MAML3: variants seen among roughly 807,000 people sequenced by gnomAD.
MAML3 encodes mastermind like transcriptional coactivator 3.
Under a neutral mutation model 101.9 loss-of-function variants are expected in MAML3, and 27 were observed. The observed-to-expected ratio is 0.27, with a 90% CI of 0.20 to 0.37. The LOEUF is 0.37. Among genes scored for constraint, MAML3 ranks in the 10% least tolerant of loss-of-function variants. MAML3 has a pLI of 1.00. For missense variants in MAML3, 1,316 were observed against 1,444.9 expected (o/e 0.91, Z 1.45); for synonymous variants, 501 against 555.9 (o/e 0.90, Z 1.39).
At chr4:139,806,122 A>T (rs1730695134) in intron 2 of MAML3, among the ~76,000 whole-genome samples, 1 of 152,178 alleles carries the variant, frequency 6.6e-6, no homozygotes, top group Non-Finnish European at 1.5e-5. Flanking sequence ...AGTATAAAAT[A>T]ATTAGAAGTT....
chr4:140,144,602 G>A (rs1729027262), intron 1 of MAML3, among the ~76,000 whole-genome samples: 1 of 151,402 alleles, frequency 6.6e-6, no homozygotes, highest in South Asian at 2.1e-4. Context: ...CATTCACATG[G>A]CAGTAGTAAT....
intron 2 of MAML3, among the ~76,000 whole-genome samples, chr4:139,743,169 C>T (rs1729218480): frequency 6.6e-6 from 1 of 152,220 alleles, no homozygotes. Flanking sequence ...CACGTCTCCA[C>T]CTAAAGTTAC....
chr4:139,896,325 G>A (rs190503728), intron 1 of MAML3, among the ~76,000 whole-genome samples: 50 of 152,278 alleles, frequency 3.3e-4, no homozygotes, highest in South Asian at 1.5e-3. Flanking sequence ...CGCAAAGCCC[G>A]AAGCCTCTTA....
chr4:139,743,403 C>G (rs1553882), intron 2 of MAML3, among the ~76,000 whole-genome samples: 1 of 152,236 alleles, frequency 6.6e-6, no homozygotes, highest in East Asian at 1.9e-4. Flanking sequence ...TGATAGACAC[C>G]GTTTCTTGTA....
chr4:139,920,439 A>T (rs1323143420), intron 1 of MAML3, among the ~76,000 whole-genome samples: 1 of 152,240 alleles, frequency 6.6e-6, no homozygotes, highest in African/African-American at 2.4e-5. Flanking sequence ...CTAGAAGTGG[A>T]AGCCAAATGC....
intron 1 of MAML3, among the ~76,000 whole-genome samples, chr4:139,894,951 T>C (rs1188970210): frequency 1.3e-5 from 2 of 152,334 alleles, no homozygotes; most frequent in Non-Finnish European, 2.9e-5. Context: ...CTTCAAAACA[T>C]AAGCATTTGT....
At chr4:139,781,378 A>T (rs2111079847) in intron 2 of MAML3, among the ~76,000 whole-genome samples, 1 of 152,216 alleles carries the variant, frequency 6.6e-6, no homozygotes, top group East Asian at 1.9e-4. Flanking sequence ...CTATAGTTTA[A>T]AAGGTCGAGG....
chr4:139,924,286 G>A (rs540294674), intron 1 of MAML3, among the ~76,000 whole-genome samples: 5 of 152,268 alleles, frequency 3.3e-5, no homozygotes, highest in South Asian at 4.1e-4. Context: ...TGTTAACAGC[G>A]ATTCTGAGAT....
At chr4:139,798,190 T>C (rs368492474) in intron 2 of MAML3, among the ~76,000 whole-genome samples, 20 of 152,294 alleles carry the variant, frequency 1.3e-4, no homozygotes, top group African/African-American at 4.8e-4. Flanking sequence ...TTTCTTTTGT[T>C]GAAATGTTTT....
chr4:139,747,231 C>T (rs1318705372), intron 2 of MAML3, among the ~76,000 whole-genome samples: 1 of 152,188 alleles, frequency 6.6e-6, no homozygotes, highest in Non-Finnish European at 1.5e-5. Context: ...TTCTGCATCA[C>T]TGAGGAAGGA....
intron 1 of MAML3, among the ~76,000 whole-genome samples, chr4:139,911,004 T>C (rs970375066): frequency 6.6e-6 from 1 of 152,188 alleles, no homozygotes; most frequent in Non-Finnish European, 1.5e-5. Context: ...GAAATCTTCA[T>C]CTTGCAATAC....
intron 1 of MAML3, among the ~76,000 whole-genome samples, chr4:140,069,354 GAGAAGGAGA>G (rs746999594): frequency 0.18 from 13,143 of 73,662 alleles, 1,784 homozygotes; most frequent in Non-Finnish European, 0.27. Context: ...GAAGGAGAAG[GAGAAGGAGA>G]AGAAGAAGAA....
intron 2 of MAML3, among the ~76,000 whole-genome samples, chr4:139,825,966 G>T (rs1055882598): frequency 6.6e-6 from 1 of 152,104 alleles, no homozygotes. Flanking sequence ...GTAACCCGGG[G>T]TCGGGATATC....
chr4:140,079,988 A>G (rs1364876200), intron 1 of MAML3, among the ~76,000 whole-genome samples: 1 of 152,150 alleles, frequency 6.6e-6, no homozygotes, highest in Non-Finnish European at 1.5e-5. Context: ...GAAAATGTTT[A>G]CAAAATGCAA....
At chr4:139,895,163 G>T (rs7686178) in intron 1 of MAML3, among the ~76,000 whole-genome samples, 6,743 of 152,278 alleles carry the variant, frequency 0.044, 208 homozygotes, top group African/African-American at 0.084. Flanking sequence ...GAGCAGCTGG[G>T]TGAGGCAGTA....
At chr4:140,119,536 C>G (rs567429174) in intron 1 of MAML3, among the ~76,000 whole-genome samples, 1 of 151,900 alleles carries the variant, frequency 6.6e-6, no homozygotes, top group African/African-American at 2.4e-5. Context: ...TTTTGGGATA[C>G]ACAATTTTTT....
intron 1 of MAML3, among the ~76,000 whole-genome samples, chr4:139,922,555 A>G (rs1460122825): frequency 1.3e-5 from 2 of 152,280 alleles, no homozygotes; most frequent in African/African-American, 4.8e-5. Context: ...ATTTACATTT[A>G]TTTCTCACCC....
Position 140,033,280 on chromosome 4 carries a change from C to A in MAML3, c.468+119580G>T, listed in dbSNP as rs537897540. ...ATGACATAAACATATGAAAAGATGA[C>A]CATGAATAGAGGCCGTAATTAATTT... On this transcript the variant is annotated intron_variant, in intron 1 of 4. Transcript: ENST00000509479. 6.6e-5 allele frequency among the ~76,000 whole-genome samples: 10 copies of A among 152,180 alleles called. No homozygotes were observed. In the South Asian group the frequency reaches 2.1e-3, roughly 32 times the overall value.
At chr4:139,963,575 T>A (rs972069395) in intron 1 of MAML3, among the ~76,000 whole-genome samples, 19 of 152,212 alleles carry the variant, frequency 1.2e-4, no homozygotes, top group African/African-American at 4.6e-4. Context: ...TAATACCTTG[T>A]GTCAAATTTT....
Sources: allele counts gnomAD v4.1 joint callset (sites outside exome capture counted in the v4.1 genomes callset), GRCh38; gene constraint gnomAD v4.1.1; transcripts MANE v1.5; gene names NCBI Gene and HGNC (gene_info 2026-07-23, HGNC 2026-07-21).